The following DNAJC1 variants were observed in gnomAD, a reference collection of about 807,000 sequenced individuals.
The protein encoded by DNAJC1 is DnaJ heat shock protein family (Hsp40) member C1, also known as dnaJ homolog subfamily C member 1.
DNAJC1 carries 58 observed loss-of-function variants against 76.6 expected under a neutral mutation model. The observed-to-expected ratio is 0.76, with a 90% CI of 0.61 to 0.94. The LOEUF (loss-of-function observed/expected upper bound fraction) is 0.94. DNAJC1 is among the 40% of genes least tolerant of loss of function. The probability of loss-of-function intolerance (pLI) is 0.00; values close to 1 mark genes in which losing one functional copy is unlikely to be tolerated. For missense variants in DNAJC1, 689 were observed against 677.3 expected (o/e 1.02, Z -0.19); for synonymous variants, 258 against 267.9 (o/e 0.96, Z 0.36).
intron 9 of DNAJC1, among the ~76,000 whole-genome samples, chr10:21,773,655 C>T (rs1334991438): frequency 6.6e-6 from 1 of 152,084 alleles, no homozygotes; most frequent in Non-Finnish European, 1.5e-5. Flanking sequence ...TTGAAATTTC[C>T]AACCATTATT....
intron 8 of DNAJC1, among the ~76,000 whole-genome samples, chr10:21,853,789 A>G (rs1255480498): frequency 7.5e-6 from 1 of 133,560 alleles, no homozygotes; most frequent in Non-Finnish European, 1.6e-5. Context: ...CTCCATCTCA[A>G]AAAAAAAAAA....
chr10:21,905,108 C>A (rs889154410), intron 6 of DNAJC1, among the ~76,000 whole-genome samples: 7 of 152,004 alleles, frequency 4.6e-5, no homozygotes, highest in African/African-American at 1.4e-4. Context: ...CCTCCTTTTA[C>A]CACCCTTAGA....
At chr10:21,877,461 A>G (rs1411062315) in intron 8 of DNAJC1, among the ~76,000 whole-genome samples, 1 of 152,144 alleles carries the variant, frequency 6.6e-6, no homozygotes, top group Non-Finnish European at 1.5e-5. Flanking sequence ...TGAAATACAG[A>G]AAGAACTCTT....
chr10:21,908,047 TATA>T (rs1836777973), intron 6 of DNAJC1, among the ~76,000 whole-genome samples: 1 of 117,656 alleles, frequency 8.5e-6, no homozygotes, highest in South Asian at 2.2e-4. Context: ...TAATATAATA[TATA>T]AATATATATA....
intron 1 of DNAJC1, among the ~76,000 whole-genome samples, chr10:21,934,320 T>C (rs762793219): frequency 3.9e-5 from 6 of 152,130 alleles, no homozygotes; most frequent in East Asian, 1.9e-4. Flanking sequence ...AAGCTAAGTG[T>C]TATTACAAAA....
chr10:21,859,417 C>A (rs1392565476), intron 8 of DNAJC1, among the ~76,000 whole-genome samples: 4 of 152,142 alleles, frequency 2.6e-5, no homozygotes, highest in Non-Finnish European at 4.4e-5. Flanking sequence ...ACTCCATGAG[C>A]ACACAGGACA....
At chr10:21,877,115 C>T (rs1474976219) in intron 8 of DNAJC1, among the ~76,000 whole-genome samples, 1 of 151,748 alleles carries the variant, frequency 6.6e-6, no homozygotes, top group African/African-American at 2.4e-5. Context: ...CTCTAGAAAA[C>T]ATTTAAAAAT....
At chr10:21,783,061 C>G (rs1363119975) in intron 9 of DNAJC1, among the ~76,000 whole-genome samples, 1 of 152,070 alleles carries the variant, frequency 6.6e-6, no homozygotes, top group African/African-American at 2.4e-5. Context: ...GGCAATCAGG[C>G]AGGAGAAAGA....
At chr10:21,773,090 G>C (rs1181124465) in intron 9 of DNAJC1, among the ~76,000 whole-genome samples, 1 of 152,068 alleles carries the variant, frequency 6.6e-6, no homozygotes, top group Non-Finnish European at 1.5e-5. Context: ...CCGACACTGG[G>C]GATTACAGTT....
chr10:21,844,833 T>C (rs1013571795), intron 8 of DNAJC1, among the ~76,000 whole-genome samples: 1 of 152,154 alleles, frequency 6.6e-6, no homozygotes, highest in Non-Finnish European at 1.5e-5. Flanking sequence ...GTGAGCTCAA[T>C]ACCAGCCTTG....
intron 8 of DNAJC1, among the ~76,000 whole-genome samples, chr10:21,815,798 G>A (rs572210140): frequency 1.8e-4 from 27 of 151,624 alleles, no homozygotes; most frequent in African/African-American, 4.8e-4. Context: ...CAGGCTGGAG[G>A]GCAGTGGTGT....
chr10:21,835,082 G>C (rs1835427386), intron 8 of DNAJC1, among the ~76,000 whole-genome samples: 1 of 152,092 alleles, frequency 6.6e-6, no homozygotes, highest in Admixed American at 6.5e-5. Context: ...CCCCCCAGTA[G>C]GGGCGGAATG....
intron 7 of DNAJC1, among the ~76,000 whole-genome samples, chr10:21,894,970 C>T (rs1306419405): frequency 1.3e-5 from 2 of 152,176 alleles, no homozygotes; most frequent in African/African-American, 2.4e-5. Flanking sequence ...TCTTGGACTT[C>T]TCAGACTCCA....
intron 7 of DNAJC1, among the ~76,000 whole-genome samples, chr10:21,882,819 T>A (rs1836303392): frequency 6.6e-6 from 1 of 152,162 alleles, no homozygotes; most frequent in Non-Finnish European, 1.5e-5. Flanking sequence ...CAGTATCAAC[T>A]TTCTCATCTA....
intron 7 of DNAJC1, among the ~76,000 whole-genome samples, chr10:21,883,710 A>G (rs1836321300): frequency 1.3e-5 from 2 of 152,228 alleles, no homozygotes; most frequent in South Asian, 2.1e-4. Context: ...TTTAATCCTC[A>G]TGATCATATG....
intron 8 of DNAJC1, among the ~76,000 whole-genome samples, chr10:21,828,000 T>A (rs900923246): frequency 3.3e-5 from 5 of 152,222 alleles, no homozygotes; most frequent in African/African-American, 4.8e-5. Context: ...AACTTTACAA[T>A]TAGATATTGT....
At chr10:21,872,090 T>G (rs75640946) in intron 8 of DNAJC1, among the ~76,000 whole-genome samples, 1 of 150,666 alleles carries the variant, frequency 6.6e-6, no homozygotes, top group Non-Finnish European at 1.5e-5. Context: ...TTTTTTTTTT[T>G]GGAGACGGAG....
chr10:21,793,662 C>T (rs559761131), intron 9 of DNAJC1, among the ~76,000 whole-genome samples: 1 of 152,294 alleles, frequency 6.6e-6, no homozygotes, highest in East Asian at 1.9e-4. Flanking sequence ...GAAAACAATT[C>T]TGGCTGGGCG....
At chr10:21,884,063 T>C (rs1836328494) in intron 7 of DNAJC1, among the ~76,000 whole-genome samples, 1 of 152,174 alleles carries the variant, frequency 6.6e-6, no homozygotes, top group Non-Finnish European at 1.5e-5. Flanking sequence ...AATCTACTTG[T>C]ACTATTTAAA....
Sources: allele counts gnomAD v4.1 joint callset (sites outside exome capture counted in the v4.1 genomes callset), GRCh38; gene constraint gnomAD v4.1.1; transcripts MANE v1.5; gene names NCBI Gene and HGNC (gene_info 2026-07-23, HGNC 2026-07-21).